Variants in VAMP7 observed in about 807,000 individuals in gnomAD.
VAMP7 encodes the protein vesicle-associated membrane protein 7.
In VAMP7, 14 loss-of-function variants were observed where a neutral mutation model predicts 29.6. That is an observed-to-expected ratio of 0.47 (90% CI 0.31 to 0.74). The LOEUF is 0.74. Among genes scored for constraint, VAMP7 ranks in the 30% least tolerant of loss-of-function variants. The pLI is 0.05. For synonymous variants in VAMP7, 95 were observed against 88.1 expected, an observed-to-expected ratio of 1.08 and a Z score of -0.44; for missense variants, 223 against 262.4, an observed-to-expected ratio of 0.85 and a Z score of 1.04.
chrX:155,900,499 G>A lies in VAMP7; in HGVS notation c.345G>A (p.Lys115=), dbSNP rs769260868. 2.5e-6 allele frequency: 4 copies of A among 1,605,694 alleles called. No individual in the cohort carries two copies. In the South Asian group the frequency reaches 4.5e-5, roughly 18 times the overall value. ...EFSSVLAAQL[K]HHSENKGLDK... Reference sequence around the variant, plus strand: ...AGTTAAAACTTATTTTCTTATAGAAGCATCACTCTGAGAATAAGGGCCTAG... The same window carrying A: ...AGTTAAAACTTATTTTCTTATAGAAACATCACTCTGAGAATAAGGGCCTAG... The change falls in exon 5 of 8, where the codon AAG becomes AAA. Residue 115 remains lysine (K), a splice_region_variant and synonymous_variant. Coordinates refer to ENST00000286448, the MANE Select transcript of VAMP7 (RefSeq NM_005638.6).
intron 5 of VAMP7, among the ~76,000 whole-genome samples, chrX:155,909,246 G>C (rs1388548539): frequency 2.0e-5 from 3 of 152,062 alleles, no homozygotes; most frequent in Admixed American, 6.5e-5. Context: ...TTTCATCTAA[G>C]TTACCTAATT....
At chrX:155,928,529 T>A (rs2066503156) in intron 6 of VAMP7, among the ~76,000 whole-genome samples, 1 of 152,168 alleles carries the variant, frequency 6.6e-6, no homozygotes, top group South Asian at 2.1e-4. Flanking sequence ...AGTCTCTGCC[T>A]CCATGTTCAC....
rs1302919703 is a variant in VAMP7, at chrX:155,942,402, A to G, written c.*451A>G. 6 of 475,210 alleles carry G rather than the reference A, an allele frequency of 1.3e-5. No homozygotes were observed. The highest frequency in any genetic ancestry group is 1.8e-5 in the Non-Finnish European group (5 of 270,420). The allele number at this position is 475,210 out of a possible 1,614,324, so 29.4% of individuals were successfully genotyped here. ...GAAGTTTTAGGTGCTTCAAAACAATATAAATGGATAATAGTTGTTATTTGG... is the reference window on the plus strand; with the variant it reads ...GAAGTTTTAGGTGCTTCAAAACAATGTAAATGGATAATAGTTGTTATTTGG... On this transcript the variant is annotated 3_prime_UTR_variant, in exon 8 of 8. Coordinates refer to ENST00000286448, the MANE Select transcript of VAMP7 (RefSeq NM_005638.6).
At chrX:155,902,931 T>C (rs1210226335) in intron 5 of VAMP7, among the ~76,000 whole-genome samples, 1 of 151,728 alleles carries the variant, frequency 6.6e-6, no homozygotes, top group East Asian at 1.9e-4. Context: ...TTGGAATAGT[T>C]TCAGAAGGAA....
intron 5 of VAMP7, among the ~76,000 whole-genome samples, chrX:155,905,235 A>G (rs1230730824): frequency 1.3e-5 from 2 of 152,042 alleles, no homozygotes; most frequent in African/African-American, 4.8e-5. Flanking sequence ...AGAAATGTCT[A>G]TTTAAAAATA....
At position 155,900,526 on chromosome X, in the gene VAMP7, C is replaced by G. The variant is rs1262967711; in HGVS notation, c.372C>G (p.Asp124Glu). ...ATCACTCTGAGAATAAGGGCCTAGA[C>G]AAAGTGATGGAGACTCAAGCCCAAG... ...LKHHSENKGL[D>E]KVMETQAQVD... The change falls in exon 5 of 8, where the codon GAC becomes GAG. Residue 124 changes from aspartate (D) to glutamate (E), a missense_variant. Asp to Glu is a conservative substitution (Grantham distance 45). Coordinates refer to ENST00000286448, the MANE Select transcript of VAMP7 (RefSeq NM_005638.6). 1 of 1,610,690 alleles carries G rather than the reference C, an allele frequency of 6.2e-7. No individual in the cohort carries two copies. Among genetic ancestry groups the G allele is most frequent in the Non-Finnish European group, 8.5e-7 (1 of 1,178,210 alleles).
In VAMP7 at chrX:155,927,997, T is replaced by C. The variant is rs1226947678; in HGVS notation, c.501+8117T>C. Among the ~76,000 whole-genome samples the C allele has an allele frequency of 2.0e-5, 3 of 152,070 alleles. No individual in the cohort carries two copies. The East Asian group carries it at 5.8e-4, about 29-fold the overall frequency. ...GCAGTGGCACGATCACAGCTTACTG[T>C]TGCCTCCACCTCCCAGGCTCAAGTG... On this transcript the variant is annotated intron_variant, in intron 6 of 7. Coordinates refer to ENST00000286448, the MANE Select transcript of VAMP7 (RefSeq NM_005638.6).
At chrX:155,907,802 C>CG (rs2066168719) in intron 5 of VAMP7, among the ~76,000 whole-genome samples, 1 of 152,168 alleles carries the variant, frequency 6.6e-6, no homozygotes, top group Admixed American at 6.5e-5. Context: ...ACCTCCCAGA[C>CG]GGGGCGGCTG....
chrX:155,893,588 T>C (rs2065950684), intron 2 of VAMP7, among the ~76,000 whole-genome samples: 2 of 152,178 alleles, frequency 1.3e-5, no homozygotes, highest in Admixed American at 1.3e-4. Context: ...AGGTGCCCGC[T>C]AATTCAGTTC....
intron 5 of VAMP7, among the ~76,000 whole-genome samples, chrX:155,901,584 A>C (rs993132961): frequency 2.0e-5 from 3 of 152,118 alleles, no homozygotes; most frequent in Non-Finnish European, 2.9e-5. Flanking sequence ...TCAGCTTTCT[A>C]CATATGGCTA....
intron 6 of VAMP7, among the ~76,000 whole-genome samples, chrX:155,925,220 C>T (rs183293325): frequency 1.6e-4 from 24 of 152,246 alleles, no homozygotes; most frequent in East Asian, 3.9e-4. Context: ...CTTCCTCCCA[C>T]GAATCATGAA....
chrX:155,898,992 C>G (rs1167111156), intron 4 of VAMP7, among the ~76,000 whole-genome samples: 1 of 151,814 alleles, frequency 6.6e-6, no homozygotes. Context: ...CCCCTTTTTG[C>G]TAAGTAGTAG....
intron 5 of VAMP7, among the ~76,000 whole-genome samples, chrX:155,907,576 G>C (rs2066164785): frequency 6.6e-6 from 1 of 151,636 alleles, no homozygotes. Context: ...GTTTCAGAGA[G>C]CACAGGGTTG....
rs180829271 is a variant in VAMP7 at position 155,926,874 on chromosome X, C to T, written c.501+6994C>T. 2.0e-3 allele frequency among the ~76,000 whole-genome samples: 303 copies of T among 152,118 alleles called. 3 individuals carry two copies. The highest frequency in any genetic ancestry group is 6.9e-3 in the African/African-American group (288 of 41,478). ...TTGGCCAAATTTCAATATTGTGTCT[C>T]GGCAAATAGGGAGGCCTGAGAGGGA... On this transcript the variant is annotated intron_variant, in intron 6 of 7. Coordinates refer to ENST00000286448, the MANE Select transcript of VAMP7 (RefSeq NM_005638.6).
At chrX:155,891,706 C>T (rs932574149) in intron 2 of VAMP7, among the ~76,000 whole-genome samples, 1 of 152,220 alleles carries the variant, frequency 6.6e-6, no homozygotes, top group Non-Finnish European at 1.5e-5. Flanking sequence ...CTTGGAGGAA[C>T]TCCCTCACCC....
intron 5 of VAMP7, among the ~76,000 whole-genome samples, chrX:155,917,561 C>T (rs1280302497): frequency 6.6e-6 from 1 of 152,152 alleles, no homozygotes; most frequent in Admixed American, 6.5e-5. Context: ...TCTAACAGGC[C>T]TCTCTGCTGC....
chrX:155,891,580 A>G (rs1186189355), intron 2 of VAMP7, among the ~76,000 whole-genome samples: 1 of 152,256 alleles, frequency 6.6e-6, no homozygotes, highest in Non-Finnish European at 1.5e-5. Context: ...CATTTGGAAA[A>G]GGGAAGAATG....
chrX:155,939,241 G>T (rs193272184), intron 6 of VAMP7, among the ~76,000 whole-genome samples: 396 of 152,272 alleles, frequency 2.6e-3, no homozygotes, highest in African/African-American at 9.1e-3. Flanking sequence ...CAGAAGGAAT[G>T]AAGTTCTATG....
At chrX:155,923,402 T>C (rs1401435581) in intron 6 of VAMP7, among the ~76,000 whole-genome samples, 1 of 151,800 alleles carries the variant, frequency 6.6e-6, no homozygotes, top group Non-Finnish European at 1.5e-5. Context: ...GTTTGGTATG[T>C]CTGAGAAGTT....
Sources: gnomAD v4.1 joint callset for allele counts (sites outside exome capture counted in the v4.1 genomes callset) on GRCh38, gnomAD v4.1.1 for gene constraint, MANE v1.5 for transcripts, NCBI Gene and HGNC (gene_info 2026-07-23, HGNC 2026-07-21) for gene names.